GRAMD1B: variants seen among roughly 807,000 people sequenced by gnomAD.
The protein encoded by GRAMD1B is GRAM domain containing 1B.
GRAMD1B carries 37 observed loss-of-function variants against 99.7 expected under a neutral mutation model. The ratio of observed to expected loss-of-function variants is 0.37; its 90% confidence interval spans 0.29 to 0.49. GRAMD1B has a LOEUF of 0.49. Among genes scored for constraint, GRAMD1B ranks in the 20% least tolerant of loss-of-function variants. GRAMD1B has a pLI of 0.98. For synonymous variants in GRAMD1B, 427 were observed against 387.6 expected, an observed-to-expected ratio of 1.10 and a Z score of -1.19; for missense variants, 888 against 1,009.2, an observed-to-expected ratio of 0.88 and a Z score of 1.63.
chr11:123,503,390 G>T (rs1384756412), intron 2 of GRAMD1B, among the ~76,000 whole-genome samples: 1 of 152,194 alleles, frequency 6.6e-6, no homozygotes, highest in Non-Finnish European at 1.5e-5. Context: ...GGCACCAAGT[G>T]CAGACGGCTT....
chr11:123,439,434 T>A (rs1049109371), intron 1 of GRAMD1B, among the ~76,000 whole-genome samples: 7 of 152,212 alleles, frequency 4.6e-5, no homozygotes, highest in African/African-American at 1.7e-4. Context: ...GGATTTTCGA[T>A]TCAGATATTG....
intron 2 of GRAMD1B, among the ~76,000 whole-genome samples, chr11:123,551,967 GACTA>G (rs1945657298): frequency 6.6e-6 from 1 of 152,152 alleles, no homozygotes; most frequent in Non-Finnish European, 1.5e-5. Flanking sequence ...ATAGAATCAT[GACTA>G]CAGATTATTT....
chr11:123,409,896 C>T (rs1384650714), intron 1 of GRAMD1B, among the ~76,000 whole-genome samples: 1 of 152,216 alleles, frequency 6.6e-6, no homozygotes, highest in Non-Finnish European at 1.5e-5. Flanking sequence ...GTGCTCGCCT[C>T]ACGCTTTCCT....
intron 1 of GRAMD1B, among the ~76,000 whole-genome samples, chr11:123,385,609 G>A (rs939851758): frequency 2.6e-4 from 40 of 152,220 alleles, no homozygotes; most frequent in African/African-American, 9.4e-4. Context: ...AGCCCCACAA[G>A]CCTGGAGAGT....
rs1288777553 is a variant in GRAMD1B, at chr11:123,430,807, C to T, written c.15C>T (p.Asn5=). The T allele has an allele frequency of 7.2e-6, 5 of 690,242 alleles. No homozygotes were observed. Among genetic ancestry groups the T allele is most frequent in the Non-Finnish European group, 1.1e-5 (4 of 379,818 alleles). The allele number at this position is 690,242 out of a possible 1,614,324, so 42.8% of individuals were successfully genotyped here. MPAA[N]MMENRPLPAL... ...CGACGGCCCCCATGCCGGCGGCCAACATGATGGAGAACCGGCCGCTGCCCG... is the reference window on the plus strand; with the variant it reads ...CGACGGCCCCCATGCCGGCGGCCAATATGATGGAGAACCGGCCGCTGCCCG... Residue 5 remains asparagine (N), a synonymous_variant, in exon 1 of 20, where the codon AAC becomes AAT. Transcript: ENST00000635736.
At chr11:123,400,294 T>C (rs1231162609) in intron 1 of GRAMD1B, among the ~76,000 whole-genome samples, 1 of 151,990 alleles carries the variant, frequency 6.6e-6, no homozygotes, top group Non-Finnish European at 1.5e-5. Flanking sequence ...CTGACCAATA[T>C]GATGGAACCT....
At chr11:123,619,625 C>G (rs1592315594) in intron 19 of GRAMD1B, 1 of 679,978 alleles carries the variant, frequency 1.5e-6, no homozygotes. Context: ...ACCGCCCCCT[C>G]CTCTGACAGT....
At chr11:123,595,919 T>C in intron 6 of GRAMD1B, 23 bp from the exon 7 acceptor site, 2 of 1,482,402 alleles carry the variant, frequency 1.3e-6, no homozygotes, top group Non-Finnish European at 1.9e-6. Flanking sequence ...TTGTTGCCCA[T>C]TCTCTGTCCT....
At chr11:123,380,759 C>T (rs958865236) in intron 1 of GRAMD1B, among the ~76,000 whole-genome samples, 17 of 152,134 alleles carry the variant, frequency 1.1e-4, no homozygotes, top group African/African-American at 3.4e-4. Flanking sequence ...TTTTTGGTCC[C>T]CTTTTGTCCA....
chr11:123,388,715 AAAG>A (rs1163545989), intron 1 of GRAMD1B, among the ~76,000 whole-genome samples: 1 of 151,378 alleles, frequency 6.6e-6, no homozygotes, highest in Non-Finnish European at 1.5e-5. Flanking sequence ...ACAAACAAAC[AAAG>A]AAGAGGTCAG....
Position 123,591,153 on chromosome 11 carries a change from G to C in GRAMD1B, c.685-2929G>C. 2.9e-6 allele frequency: 1 copy of C among 339,204 alleles called. No homozygotes were observed. Among genetic ancestry groups the C allele is most frequent in the South Asian group, 1.5e-4 (1 of 6,478 alleles). The allele number at this position is 339,204 out of a possible 1,614,324, so 21.0% of individuals were successfully genotyped here. A position where few individuals can be genotyped will look rare whatever the true frequency, so the allele number is the denominator to read the frequency against. ...AGAGCCCGCCATGGGAGACTGGCTGGCCAGCTTGTCCTGAGAACCACGCTG... is the reference window on the plus strand; with the variant it reads ...AGAGCCCGCCATGGGAGACTGGCTGCCCAGCTTGTCCTGAGAACCACGCTG... On this transcript the variant is annotated intron_variant, in intron 4 of 19. Transcript: ENST00000635736. This position sits in a 1 kb window ranked among gnomAD's most constrained non-coding sequence, Gnocchi z 4.7.
intron 2 of GRAMD1B, among the ~76,000 whole-genome samples, chr11:123,512,703 CTTTTTTTTTTTT>C (rs766565214): frequency 9.7e-6 from 1 of 103,010 alleles, no homozygotes; most frequent in Non-Finnish European, 1.9e-5. Flanking sequence ...CATTGTGAAT[CTTTTTTTTTTTT>C]TTTTTTTTTT....
At chr11:123,445,719 AG>A (rs1200499174) in intron 1 of GRAMD1B, among the ~76,000 whole-genome samples, 2 of 143,668 alleles carry the variant, frequency 1.4e-5, no homozygotes, top group Non-Finnish European at 3.0e-5. Context: ...CGGGAGGCTG[AG>A]GTGGATTTGA....
intron 2 of GRAMD1B, among the ~76,000 whole-genome samples, chr11:123,536,577 T>A (rs186140839): frequency 8.5e-5 from 13 of 152,216 alleles, no homozygotes; most frequent in Middle Eastern, 6.8e-3. Flanking sequence ...GCCCCTATAT[T>A]TTTTTTGTTT....
intron 1 of GRAMD1B, among the ~76,000 whole-genome samples, chr11:123,401,911 A>G (rs1947675893): frequency 6.6e-6 from 1 of 152,138 alleles, no homozygotes; most frequent in Non-Finnish European, 1.5e-5. Flanking sequence ...CTGTCTTAAA[A>G]AAAAGAAAAG....
intron 17 of GRAMD1B, chr11:123,618,198 C>A: frequency 1.4e-6 from 1 of 715,560 alleles, no homozygotes; most frequent in Non-Finnish European, 2.5e-6. Context: ...TGGGTCGTCT[C>A]ATCCATTGTG....
intron 2 of GRAMD1B, among the ~76,000 whole-genome samples, chr11:123,553,152 A>C (rs1322368228): frequency 2.0e-5 from 3 of 152,252 alleles, no homozygotes; most frequent in African/African-American, 7.2e-5. Flanking sequence ...GAAGTGCAGC[A>C]AAGTTTAGGG....
chr11:123,526,252 C>A, intron 2 of GRAMD1B: 1 of 1,194,850 alleles, frequency 8.4e-7, no homozygotes, highest in Non-Finnish European at 1.2e-6. Flanking sequence ...CAAGAGGTCT[C>A]CTTCATTGAT....
intron 2 of GRAMD1B, among the ~76,000 whole-genome samples, chr11:123,521,980 T>C (rs1171981018): frequency 1.3e-5 from 2 of 152,262 alleles, no homozygotes; most frequent in African/African-American, 4.8e-5. Context: ...TTTCCTATTT[T>C]ATCTGTGTGT....
Sources: gnomAD v4.1 joint callset for allele counts (sites outside exome capture counted in the v4.1 genomes callset) on GRCh38, gnomAD v4.1.1 for gene constraint, Gnocchi (gnomAD v3.1) non-coding constraint, MANE v1.5 for transcripts, NCBI Gene and HGNC (gene_info 2026-07-23, HGNC 2026-07-21) for gene names.